NAV3: variants seen among roughly 807,000 people sequenced by gnomAD.
NAV3 encodes pore membrane and/or filament interacting like protein 1.
In NAV3, 87 loss-of-function variants were observed where a neutral mutation model predicts 244.7. The ratio of observed to expected loss-of-function variants is 0.36; its 90% CI spans 0.30 to 0.42. NAV3 has a LOEUF of 0.42. Ranked by LOEUF, NAV3 falls within the 20% of genes least tolerant of loss-of-function variation. NAV3 has a pLI of 1.00. For missense variants in NAV3, 2,663 were observed against 2,893.3 expected (o/e 0.92, Z 1.83); for synonymous variants, 1,126 against 1,042.2 (o/e 1.08, Z -1.55).
At chr12:77,851,595 A>C (rs1305118911) in intron 1 of NAV3, among the ~76,000 whole-genome samples, 1 of 152,212 alleles carries the variant, frequency 6.6e-6, no homozygotes, top group Non-Finnish European at 1.5e-5. Context: ...TTCTTGTAAT[A>C]ATGATTGTCG....
intron 2 of NAV3, among the ~76,000 whole-genome samples, chr12:77,731,002 G>A (rs1877105790): frequency 1.3e-5 from 2 of 151,532 alleles, no homozygotes; most frequent in South Asian, 4.2e-4. Context: ...AATGACATAA[G>A]GATTAAAAAA....
intron 9 of NAV3, among the ~76,000 whole-genome samples, chr12:78,032,643 T>G (rs1879195048): frequency 6.6e-6 from 1 of 152,226 alleles, no homozygotes; most frequent in Non-Finnish European, 1.5e-5. Context: ...TTTCTGCCAT[T>G]GAAGAAGTAG....
chr12:78,076,507 G>A (rs934947338), intron 12 of NAV3, among the ~76,000 whole-genome samples: 3 of 152,030 alleles, frequency 2.0e-5, no homozygotes, highest in African/African-American at 7.2e-5. Context: ...ATATACATGT[G>A]ATGTATATTT....
chr12:78,002,026 A>G (rs1873395313), intron 7 of NAV3, among the ~76,000 whole-genome samples: 1 of 152,212 alleles, frequency 6.6e-6, no homozygotes, highest in African/African-American at 2.4e-5. Flanking sequence ...TGTTAACTGT[A>G]AATCAAATCT....
At chr12:77,597,218 T>A (rs2136749973) in intron 2 of NAV3, among the ~76,000 whole-genome samples, 1 of 152,260 alleles carries the variant, frequency 6.6e-6, no homozygotes, top group East Asian at 1.9e-4. Context: ...TTTCTCTTTG[T>A]TGCTATAAGC....
chr12:77,608,037 CA>C (rs1870750906), intron 2 of NAV3, among the ~76,000 whole-genome samples: 1 of 151,988 alleles, frequency 6.6e-6, no homozygotes, highest in Non-Finnish European at 1.5e-5. Context: ...TATTGACAAG[CA>C]AAGTAAAAGA....
intron 12 of NAV3, among the ~76,000 whole-genome samples, chr12:78,108,694 T>A (rs1954931877): frequency 6.6e-6 from 1 of 152,104 alleles, no homozygotes; most frequent in Admixed American, 6.5e-5. Flanking sequence ...TTAAACAACA[T>A]GTTCCTGGTT....
chr12:77,937,248 G>A (rs1304672558), intron 1 of NAV3, among the ~76,000 whole-genome samples: 5 of 152,134 alleles, frequency 3.3e-5, no homozygotes, highest in Non-Finnish European at 7.4e-5. Flanking sequence ...TAGAGATGCT[G>A]GACATATCAA....
At chr12:77,588,344 C>T (rs376698549) in intron 2 of NAV3, among the ~76,000 whole-genome samples, 3 of 152,062 alleles carry the variant, frequency 2.0e-5, no homozygotes, top group East Asian at 3.9e-4. Flanking sequence ...GTCTTGAACT[C>T]CTGAGCTCAA....
At chr12:77,579,885 C>A (rs926493883) in intron 2 of NAV3, among the ~76,000 whole-genome samples, 2 of 152,186 alleles carry the variant, frequency 1.3e-5, no homozygotes, top group Non-Finnish European at 2.9e-5. Flanking sequence ...CTGTCTTCCT[C>A]CAGTTTTCTC....
chr12:77,859,732 A>T (rs1328045005), intron 1 of NAV3, among the ~76,000 whole-genome samples: 1 of 141,946 alleles, frequency 7.0e-6, no homozygotes, highest in Non-Finnish European at 1.5e-5. Flanking sequence ...GAGCAGTAAA[A>T]CAAGCATTTC....
intron 2 of NAV3, among the ~76,000 whole-genome samples, chr12:77,682,457 TGGACATGGGA>T (rs1308251917): frequency 6.6e-6 from 1 of 152,190 alleles, no homozygotes; most frequent in African/African-American, 2.4e-5. Flanking sequence ...AATGCTGCAA[TGGACATGGGA>T]GGACAGATAT....
chr12:78,004,279 C>A (rs551802706), intron 7 of NAV3, among the ~76,000 whole-genome samples: 11 of 152,022 alleles, frequency 7.2e-5, no homozygotes, highest in African/African-American at 2.7e-4. Flanking sequence ...ATAAAGTAAG[C>A]AGTAGATGAA....
intron 2 of NAV3, among the ~76,000 whole-genome samples, chr12:77,672,794 TA>T (rs567386633): frequency 1.1e-3 from 167 of 151,942 alleles, no homozygotes; most frequent in African/African-American, 3.9e-3. Flanking sequence ...ACCTGTTCCC[TA>T]AAAACTTATT....
intron 2 of NAV3, among the ~76,000 whole-genome samples, chr12:77,759,227 T>C (rs1869344455): frequency 6.6e-6 from 1 of 152,248 alleles, no homozygotes; most frequent in African/African-American, 2.4e-5. Context: ...CAAAGATTTT[T>C]CATAACTGTT....
At chr12:77,650,579 G>C (rs1454958406) in intron 2 of NAV3, among the ~76,000 whole-genome samples, 1 of 152,098 alleles carries the variant, frequency 6.6e-6, no homozygotes, top group Admixed American at 6.6e-5. Flanking sequence ...TATTTTACAT[G>C]TATTATGAAC....
intron 2 of NAV3, among the ~76,000 whole-genome samples, chr12:77,610,328 A>G (rs1456911994): frequency 2.6e-5 from 4 of 152,056 alleles, no homozygotes; most frequent in Admixed American, 6.6e-5. Context: ...ATATACATTT[A>G]AGTACACCTT....
intron 1 of NAV3, among the ~76,000 whole-genome samples, chr12:77,860,144 G>A (rs1879048360): frequency 6.6e-6 from 1 of 151,688 alleles, no homozygotes; most frequent in Non-Finnish European, 1.5e-5. Context: ...ATATATATTT[G>A]TATGTATGTG....
intron 32 of NAV3, 84 bp downstream of exon 32, chr12:78,188,427 ATCT>A (rs1958823347): frequency 2.4e-6 from 3 of 1,268,738 alleles, no homozygotes; most frequent in South Asian, 1.4e-5. Flanking sequence ...GCAGAGACAC[ATCT>A]TCTTTTCCTC....
Sources: allele counts gnomAD v4.1 joint callset (sites outside exome capture counted in the v4.1 genomes callset), GRCh38; gene constraint gnomAD v4.1.1; transcripts MANE v1.5; gene names NCBI Gene and HGNC (gene_info 2026-07-23, HGNC 2026-07-21).